FALEC: variants seen among roughly 807,000 people sequenced by gnomAD.
The protein encoded by FALEC is focally amplified lncRNA on chromosome 1.
At chr1:150,531,579 A>G in the FALEC span, among the ~76,000 whole-genome samples, 19,678 of 152,154 alleles carry the variant, frequency 0.13, 1,311 homozygotes, top group African/African-American at 0.15. Context: ...CCTGCTCTAA[A>G]TCAGGCCTGC....
chr1:150,536,664 C>T, the FALEC span, among the ~76,000 whole-genome samples: 1 of 152,168 alleles, frequency 6.6e-6, no homozygotes, highest in South Asian at 2.1e-4. Flanking sequence ...GTGGCAGGAC[C>T]TGTGGTTCCA....
the FALEC span, among the ~76,000 whole-genome samples, chr1:150,535,541 G>A: frequency 6.6e-6 from 1 of 152,220 alleles, no homozygotes; most frequent in African/African-American, 2.4e-5. Flanking sequence ...ACCGCGCCCA[G>A]GCTCAAATCT....
At chr1:150,522,620 C>CAA (rs752542427), downstream of FALEC, among the ~76,000 whole-genome samples, 2 of 111,332 alleles carry the variant, frequency 1.8e-5, no homozygotes, top group East Asian at 2.7e-4. Flanking sequence ...GAGACTCTGT[C>CAA]AAAAAAAAAA....
downstream of FALEC, among the ~76,000 whole-genome samples, chr1:150,522,981 A>AT (rs1560270906): frequency 3.4e-3 from 73 of 21,460 alleles, 1 homozygote; most frequent in Non-Finnish European, 4.3e-3. Context: ...ATATATATAT[A>AT]TATTTTTTTT....
chr1:150,519,214 G>A (rs938386437), downstream of FALEC, among the ~76,000 whole-genome samples: 7 of 152,126 alleles, frequency 4.6e-5, no homozygotes, highest in South Asian at 2.1e-4. Flanking sequence ...CCCTCCTCCC[G>A]TGCCCATGAA....
chr1:150,522,629 A>G (rs934682564), downstream of FALEC, among the ~76,000 whole-genome samples: 9 of 151,604 alleles, frequency 5.9e-5, no homozygotes, highest in Non-Finnish European at 1.3e-4. Flanking sequence ...TCAAAAAAAA[A>G]AAAAAAACAA....
the FALEC span, among the ~76,000 whole-genome samples, chr1:150,525,869 T>C: frequency 6.6e-6 from 1 of 152,132 alleles, no homozygotes; most frequent in Non-Finnish European, 1.5e-5. Context: ...TGTCAACTCC[T>C]GGCTTCAAGC....
chr1:150,516,560 A>C (rs1670572224), intron 1 of FALEC, among the ~76,000 whole-genome samples: 1 of 152,244 alleles, frequency 6.6e-6, no homozygotes, highest in Non-Finnish European at 1.5e-5. Flanking sequence ...AGAGCCTGGA[A>C]GCACGGGTAG....
chr1:150,519,919 G>A (rs898872787), downstream of FALEC, among the ~76,000 whole-genome samples: 10 of 151,950 alleles, frequency 6.6e-5, no homozygotes, highest in East Asian at 1.2e-3. Flanking sequence ...TTGGGAGGCC[G>A]AGGCAGACGG....
downstream of FALEC, among the ~76,000 whole-genome samples, chr1:150,522,911 ATACATATATATATACATATATATG>A (rs1168958738): frequency 1.0e-4 from 11 of 110,250 alleles, no homozygotes; most frequent in African/African-American, 3.7e-4. Flanking sequence ...ATACATATAT[ATACATATATATATACATATATATG>A]TGTGTGTGTG....
chr1:150,520,546 A>G (rs1425610564), downstream of FALEC, among the ~76,000 whole-genome samples: 2 of 152,128 alleles, frequency 1.3e-5, no homozygotes, highest in African/African-American at 2.4e-5. Context: ...TATACATACA[A>G]TGTGTGTATA....
chr1:150,534,186 G>C, the FALEC span, among the ~76,000 whole-genome samples: 1,934 of 152,278 alleles, frequency 0.013, 45 homozygotes, highest in African/African-American at 0.044. Flanking sequence ...TGAGGAGCTG[G>C]TCCTGGAGAG....
chr1:150,516,697 T>C (rs1670574098), intron 1 of FALEC, among the ~76,000 whole-genome samples: 1 of 152,182 alleles, frequency 6.6e-6, no homozygotes, highest in African/African-American at 2.4e-5. Flanking sequence ...CTCCTAATTA[T>C]TGGAGAGGCC....
chr1:150,521,482 T>C (rs761854085), downstream of FALEC, among the ~76,000 whole-genome samples: 3 of 152,248 alleles, frequency 2.0e-5, no homozygotes, highest in Non-Finnish European at 4.4e-5. Context: ...TTAAACACCT[T>C]GTGATATGTC....
At chr1:150,518,384 C>CTTTTTTT (rs1560269472), downstream of FALEC, among the ~76,000 whole-genome samples, 2 of 127,896 alleles carry the variant, frequency 1.6e-5, no homozygotes, top group African/African-American at 2.7e-5. Context: ...CCAAGTCTCT[C>CTTTTTTT]TCTTTTTTTT....
chr1:150,529,542 C>T, the FALEC span, among the ~76,000 whole-genome samples: 1 of 152,148 alleles, frequency 6.6e-6, no homozygotes, highest in African/African-American at 2.4e-5. Flanking sequence ...CCCCAAACGT[C>T]TTCCCCTATG....
chr1:150,519,785 G>A (rs1373706806), downstream of FALEC, among the ~76,000 whole-genome samples: 1 of 151,890 alleles, frequency 6.6e-6, no homozygotes, highest in Non-Finnish European at 1.5e-5. Flanking sequence ...AGAATCGCTT[G>A]AACCTGGGAG....
downstream of FALEC, among the ~76,000 whole-genome samples, chr1:150,522,581 C>T (rs1670657679): frequency 6.6e-6 from 1 of 151,110 alleles, no homozygotes; most frequent in African/African-American, 2.4e-5. Flanking sequence ...CAAGATGGCG[C>T]CACTGCACTC....
At chr1:150,529,249 C>T in the FALEC span, among the ~76,000 whole-genome samples, 1 of 152,164 alleles carries the variant, frequency 6.6e-6, no homozygotes, top group Non-Finnish European at 1.5e-5. Context: ...AAAGGCCCAG[C>T]TGGGATTAGA....
Sources: gnomAD v4.1 joint callset for allele counts (sites outside exome capture counted in the v4.1 genomes callset) on GRCh38, gnomAD v4.1.1 for gene constraint, MANE v1.5 for transcripts, NCBI Gene and HGNC (gene_info 2026-07-23, HGNC 2026-07-21) for gene names.